The following DTNA variants were observed in gnomAD, a reference collection of about 807,000 sequenced individuals.
The protein encoded by DTNA is dystrobrevin alpha.
A neutral mutation model predicts 100.7 loss-of-function variants in DTNA; 43 were observed. The observed-to-expected ratio is 0.43, with a 90% CI of 0.33 to 0.55. The LOEUF (loss-of-function observed/expected upper bound fraction) is 0.55, where lower values mean the gene tolerates loss of function less well. Among genes scored for constraint, DTNA ranks in the 20% least tolerant of loss-of-function variants. The pLI is 0.04. For synonymous variants in DTNA, 349 were observed against 347.9 expected (o/e 1.00, Z -0.04); for missense variants, 798 against 953.9 (o/e 0.84, Z 2.15).
At chr18:34,867,894 A>G (rs764635857) in intron 17 of DTNA, 4 of 985,398 alleles carry the variant, frequency 4.1e-6, no homozygotes, top group African/African-American at 1.7e-5. Context: ...GTCGGTACCC[A>G]AGGACCAGGG....
chr18:34,596,915 C>G (rs1303396459), intron 1 of DTNA, among the ~76,000 whole-genome samples: 2 of 152,052 alleles, frequency 1.3e-5, no homozygotes, highest in African/African-American at 4.8e-5. Flanking sequence ...AGGTTTGTTA[C>G]ATAGGGATAC....
chr18:34,797,994 A>G (rs1161041122), intron 4 of DTNA, among the ~76,000 whole-genome samples: 1 of 151,944 alleles, frequency 6.6e-6, no homozygotes, highest in African/African-American at 2.4e-5. Flanking sequence ...TTGTCGTACT[A>G]ATTTCTTTTA....
chr18:34,559,614 C>T (rs1002590920), intron 1 of DTNA, among the ~76,000 whole-genome samples: 1 of 152,180 alleles, frequency 6.6e-6, no homozygotes, highest in African/African-American at 2.4e-5. Context: ...TTCCTTCATT[C>T]ACCAAGGCTC....
chr18:34,669,716 G>A (rs998621997), intron 1 of DTNA, among the ~76,000 whole-genome samples: 3 of 152,162 alleles, frequency 2.0e-5, no homozygotes, highest in Non-Finnish European at 4.4e-5. Flanking sequence ...GAAATTCTGG[G>A]TCGAAAATTC....
intron 1 of DTNA, among the ~76,000 whole-genome samples, chr18:34,549,016 A>G (rs2045105661): frequency 6.6e-6 from 1 of 152,034 alleles, no homozygotes; most frequent in Non-Finnish European, 1.5e-5. Flanking sequence ...CCTTATTCCC[A>G]CCTTAATAAG....
chr18:34,659,085 C>CGTGTGTGTGTGTGTGTGCACGCGT (rs35030778), intron 1 of DTNA, among the ~76,000 whole-genome samples: 1 of 151,180 alleles, frequency 6.6e-6, no homozygotes, highest in Non-Finnish European at 1.5e-5. Context: ...ATTTACTGTA[C>CGTGTGTGTGTGTGTGTGCACGCGT]GTGTGTGTGT....
chr18:34,799,093 T>C (rs952989492), intron 4 of DTNA, among the ~76,000 whole-genome samples: 33 of 152,190 alleles, frequency 2.2e-4, no homozygotes, highest in African/African-American at 7.5e-4. Flanking sequence ...TTTGAAAGAG[T>C]GTATGTGGAA....
intron 1 of DTNA, among the ~76,000 whole-genome samples, chr18:34,497,269 G>A (rs58184802): frequency 6.6e-6 from 1 of 152,304 alleles, no homozygotes; most frequent in East Asian, 1.9e-4. Context: ...CCCAAAAGAA[G>A]AGAAGAGGCT....
At chr18:34,886,860 G>A (rs532502265) in intron 22 of DTNA, among the ~76,000 whole-genome samples, 6 of 152,288 alleles carry the variant, frequency 3.9e-5, no homozygotes, top group Admixed American at 3.9e-4. Flanking sequence ...TTTGCAGCTG[G>A]TTCTATCCTA....
intron 1 of DTNA, among the ~76,000 whole-genome samples, chr18:34,682,584 A>G (rs2078282741): frequency 6.6e-6 from 1 of 152,076 alleles, no homozygotes; most frequent in Non-Finnish European, 1.5e-5. Flanking sequence ...TATACTTCTG[A>G]TTTTAATGAG....
At chr18:34,887,675 A>G (rs1039763279) in intron 22 of DTNA, 91 bp from the exon 23 acceptor site, 14 of 957,694 alleles carry the variant, frequency 1.5e-5, no homozygotes, top group Admixed American at 6.2e-5. Flanking sequence ...ACTTTCTTCT[A>G]TATTGGGGAA....
At chr18:34,626,137 T>G (rs1003408699) in intron 1 of DTNA, among the ~76,000 whole-genome samples, 2 of 152,202 alleles carry the variant, frequency 1.3e-5, no homozygotes, top group Non-Finnish European at 2.9e-5. Flanking sequence ...CTAAACAGTT[T>G]ATAAAGCTTT....
chr18:34,759,560 T>TA (rs973040736), intron 2 of DTNA, among the ~76,000 whole-genome samples: 1 of 152,188 alleles, frequency 6.6e-6, no homozygotes, highest in Non-Finnish European at 1.5e-5. Context: ...GAAGGCTGCC[T>TA]AACAAGGTAA....
intron 9 of DTNA, chr18:34,825,237 C>G: frequency 6.2e-7 from 1 of 1,613,140 alleles, no homozygotes; most frequent in Non-Finnish European, 8.5e-7. Context: ...TTAACGGTCT[C>G]TATTCTGTTC....
chr18:34,876,099 A>G (rs2096814477), intron 18 of DTNA, among the ~76,000 whole-genome samples: 1 of 152,202 alleles, frequency 6.6e-6, no homozygotes, highest in Non-Finnish European at 1.5e-5. Flanking sequence ...AGAAGTAACC[A>G]CTATTAACAG....
chr18:34,775,526 A>C (rs1305119903), intron 3 of DTNA, among the ~76,000 whole-genome samples: 1 of 152,138 alleles, frequency 6.6e-6, no homozygotes, highest in Non-Finnish European at 1.5e-5. Flanking sequence ...AAAAGCAGAG[A>C]GTTTTATCTG....
At chr18:34,735,048 A>T (rs991571772) in intron 1 of DTNA, among the ~76,000 whole-genome samples, 1 of 152,128 alleles carries the variant, frequency 6.6e-6, no homozygotes, top group Non-Finnish European at 1.5e-5. Flanking sequence ...TAGAACATAT[A>T]TATACACACA....
intron 11 of DTNA, among the ~76,000 whole-genome samples, chr18:34,832,897 T>G (rs2096050582): frequency 6.6e-6 from 1 of 152,130 alleles, no homozygotes; most frequent in Non-Finnish European, 1.5e-5. Flanking sequence ...AGAAGGAAAA[T>G]TTTATACACT....
intron 1 of DTNA, among the ~76,000 whole-genome samples, chr18:34,659,764 T>A (rs145982535): frequency 6.6e-6 from 1 of 152,286 alleles, no homozygotes; most frequent in East Asian, 1.9e-4. Context: ...CATGTGAGCC[T>A]GTTATCTTGC....
Sources: gnomAD v4.1 joint callset for allele counts (sites outside exome capture counted in the v4.1 genomes callset) on GRCh38, gnomAD v4.1.1 for gene constraint, MANE v1.5 for transcripts, NCBI Gene and HGNC (gene_info 2026-07-23, HGNC 2026-07-21) for gene names.